NIPBL: variants seen among roughly 807,000 people sequenced by gnomAD.
NIPBL encodes the protein nipped-B-like protein.
Under a neutral mutation model 321.8 loss-of-function variants are expected in NIPBL, and 19 were observed. The ratio of observed to expected loss-of-function variants is 0.06; its 90% CI spans 0.04 to 0.09. The LOEUF is 0.09. Ranked by LOEUF, NIPBL falls within the 10% of genes least tolerant of loss-of-function variation. The pLI is 1.00. For missense variants in NIPBL, 2,210 were observed against 3,327.0 expected, an observed-to-expected ratio of 0.66 and a Z score of 8.26; for synonymous variants, 1,106 against 1,114.1, an observed-to-expected ratio of 0.99 and a Z score of 0.14.
chr5:36,973,554 A>G (rs908364882), intron 8 of NIPBL, among the ~76,000 whole-genome samples: 3 of 151,210 alleles, frequency 2.0e-5, no homozygotes, highest in African/African-American at 7.3e-5. Flanking sequence ...TGCAATCTCC[A>G]CCTCCCGGGT....
Position 36,985,653 on chromosome 5 carries a change from G to C in NIPBL, c.2473G>C (p.Asp825His). The C allele has an allele frequency of 6.2e-7, 1 of 1,613,948 alleles. No individual in the cohort carries two copies. The highest frequency in any genetic ancestry group is 1.1e-5 in the South Asian group (1 of 91,074). Residue 825 changes from aspartate (D) to histidine (H), a missense_variant, in exon 10 of 47, where the codon GAT (aspartate) becomes CAT (histidine). Physicochemically the swap from Asp to His is moderately conservative, Grantham distance 81. Transcript: ENST00000282516. ...TGACCATGATAATAAACAAAAATCA[G>C]ATGACAGGGGTGAATCAGAGCGACA... ...RRDHDNKQKS[D>H]DRGESERHRG...
At position 37,065,178 on chromosome 5, in the gene NIPBL, G is replaced by T; in HGVS notation, c.*286G>T. 1 of 428,016 alleles carries T rather than the reference G, an allele frequency of 2.3e-6. No individual in the cohort carries two copies. The highest frequency in any genetic ancestry group is 4.9e-5 in the East Asian group (1 of 20,576). The allele number at this position is 428,016 out of a possible 1,614,324, so 26.5% of individuals were successfully genotyped here. ...CTTTCTGTTTAAAAAAAATAAACAA[G>T]TGAATGTTGGAAATTAGTCTGTTAA... On this transcript the variant is annotated 3_prime_UTR_variant, in exon 47 of 47. Coordinates refer to ENST00000282516, the MANE Select transcript of NIPBL (RefSeq NM_133433.4).
intron 1 of NIPBL, among the ~76,000 whole-genome samples, chr5:36,902,532 C>T (rs1484511237): frequency 1.3e-5 from 2 of 152,072 alleles, no homozygotes; most frequent in Non-Finnish European, 2.9e-5. Context: ...TTATTTTCAG[C>T]TTTGTCAGAG....
At chr5:36,952,053 T>TGTGTGTGTGTGCGCGCGC (rs778597604) in intron 1 of NIPBL, among the ~76,000 whole-genome samples, 24 of 112,208 alleles carry the variant, frequency 2.1e-4, no homozygotes, top group South Asian at 7.6e-4. Flanking sequence ...TGTGTGTGTG[T>TGTGTGTGTGTGCGCGCGC]GCGCGCGCGC....
At position 36,933,976 on chromosome 5, in the gene NIPBL, T is replaced by A. The variant is rs536391389; in HGVS notation, c.-79-19642T>A. Among the ~76,000 whole-genome samples the A allele has an allele frequency of 1.6e-3, 242 of 152,194 alleles. 3 individuals carry two copies. The highest frequency in any genetic ancestry group is 5.7e-3 in the African/African-American group (236 of 41,568). On this transcript the variant is annotated intron_variant, in intron 1 of 46. Coordinates refer to ENST00000282516, the MANE Select transcript of NIPBL (RefSeq NM_133433.4). ...AGGTCTCTGTTAAAATGAGGTTCTC[T>A]TTCTAATAAAAAACAAATGTGACGT...
intron 1 of NIPBL, among the ~76,000 whole-genome samples, chr5:36,893,841 C>T (rs368824196): frequency 3.9e-5 from 6 of 151,942 alleles, no homozygotes; most frequent in African/African-American, 9.7e-5. Context: ...TGGATACTAG[C>T]GAGGACGTAG....
At chr5:37,001,099 A>G in intron 14 of NIPBL, 21 bp downstream of exon 14, 3 of 1,447,210 alleles carry the variant, frequency 2.1e-6, no homozygotes, top group Non-Finnish European at 2.9e-6. Flanking sequence ...CTTAAAATAC[A>G]TTTACACATA....
intron 1 of NIPBL, among the ~76,000 whole-genome samples, chr5:36,921,470 A>G (rs1748937588): frequency 6.6e-6 from 1 of 152,146 alleles, no homozygotes; most frequent in Non-Finnish European, 1.5e-5. Flanking sequence ...TTTCATGAAA[A>G]TATTAATTGT....
In NIPBL at chr5:36,996,177, G is replaced by A. The variant is rs1209496971; in HGVS notation, c.3304+373G>A. ...GGAAATATGTAAATAAATAATTGCA[G>A]TATGCTGATAAAAGTACAATGATAA... On this transcript the variant is annotated intron_variant, in intron 11 of 46. Transcript: ENST00000282516. This position sits in a 1 kb window ranked among gnomAD's most constrained non-coding sequence, Gnocchi z 5.0. Among the ~76,000 whole-genome samples the A allele has an allele frequency of 6.6e-6, 1 of 152,148 alleles. No individual in the cohort carries two copies. Among genetic ancestry groups the A allele is most frequent in the Non-Finnish European group, 1.5e-5 (1 of 68,024 alleles).
chr5:37,014,574 CATT>C, intron 21 of NIPBL, 106 bp from the exon 22 acceptor site: 1 of 694,454 alleles, frequency 1.4e-6, no homozygotes, highest in Admixed American at 2.3e-5. Context: ...ATAGTTTAAG[CATT>C]TTAGTATTTA....
chr5:37,015,305 G>T (rs1245496762), intron 22 of NIPBL, among the ~76,000 whole-genome samples: 1 of 152,044 alleles, frequency 6.6e-6, no homozygotes, highest in Non-Finnish European at 1.5e-5. Flanking sequence ...TGTATTTTCA[G>T]TAGAGACGGG....
chr5:37,041,744 T>C (rs2149725999), intron 34 of NIPBL, among the ~76,000 whole-genome samples: 2 of 152,072 alleles, frequency 1.3e-5, no homozygotes, highest in Middle Eastern at 6.8e-3. Flanking sequence ...TTTGTATTTT[T>C]AGTAGAGACA....
At chr5:36,982,532 T>C (rs764848191) in intron 9 of NIPBL, among the ~76,000 whole-genome samples, 3 of 151,846 alleles carry the variant, frequency 2.0e-5, no homozygotes, top group Non-Finnish European at 4.4e-5. Flanking sequence ...GCATTTTGTA[T>C]ATACTGAAAA....
At chr5:37,008,601 G>C in intron 19 of NIPBL, 22 bp from the exon 20 acceptor site, 1 of 1,165,548 alleles carries the variant, frequency 8.6e-7, no homozygotes, top group Non-Finnish European at 1.3e-6. Context: ...GTTTAACTTG[G>C]AATCTTATAA....
In NIPBL at chr5:36,984,666, T is replaced by C. The variant is rs1744539626; in HGVS notation, c.1496-10T>C. On this transcript the variant is annotated splice_polypyrimidine_tract_variant and intron_variant, in intron 9 of 46. Transcript: ENST00000282516. Reference sequence around the variant, plus strand: ...TATTACTGATATTGATATTTATCTTTAAATTTCAGATAAGCCTTTGAAAAA... The same window carrying C: ...TATTACTGATATTGATATTTATCTTCAAATTTCAGATAAGCCTTTGAAAAA... 6.2e-7 allele frequency: 1 copy of C among 1,605,940 alleles called. No homozygotes were observed. Among genetic ancestry groups the C allele is most frequent in the African/African-American group, 1.3e-5 (1 of 74,396 alleles).
Position 37,036,486 on chromosome 5 carries a change from T to C in NIPBL, c.5970T>C (p.Ala1990=). 2.4e-6 allele frequency: 3 copies of C among 1,271,606 alleles called. 1 individual carries two copies. In the South Asian group the frequency reaches 4.6e-5, roughly 19 times the overall value. 78.8% of individuals were successfully genotyped at this position (1,271,606 alleles called of 1,614,324 possible). ...TTCTTAAATATGAGGAATCTCTAGC[T>C]GGTAAGACATTTTATATATATATTG... ...EHILKYEESL[A]DSDNKGVNSG... The change falls in exon 33 of 47, where the codon GCT becomes GCC. Residue 1990 remains alanine, a splice_region_variant and synonymous_variant. Transcript: ENST00000282516.
intron 24 of NIPBL, 76 bp downstream of exon 24, chr5:37,017,238 A>G (rs2149692329): frequency 2.2e-6 from 3 of 1,391,346 alleles, no homozygotes; most frequent in East Asian, 4.8e-5. Context: ...TTAGTTTTGC[A>G]TTTCATTTTG....
chr5:36,976,832 T>G (rs896587169), intron 9 of NIPBL, among the ~76,000 whole-genome samples: 1 of 152,144 alleles, frequency 6.6e-6, no homozygotes, highest in African/African-American at 2.4e-5. Flanking sequence ...GTATGCTTAT[T>G]AGGCAGTTAG....
At chr5:37,045,887 C>T (rs1752926005) in intron 37 of NIPBL, among the ~76,000 whole-genome samples, 1 of 152,040 alleles carries the variant, frequency 6.6e-6, no homozygotes, top group Admixed American at 6.5e-5. Context: ...AAATTTTTTT[C>T]AATGAAGGAA....
Sources: gnomAD v4.1 joint callset for allele counts (sites outside exome capture counted in the v4.1 genomes callset) on GRCh38, gnomAD v4.1.1 for gene constraint, Gnocchi (gnomAD v3.1) non-coding constraint, MANE v1.5 for transcripts, NCBI Gene and HGNC (gene_info 2026-07-23, HGNC 2026-07-21) for gene names.